ADAMTSL1: variants seen among roughly 807,000 people sequenced by gnomAD.
The protein encoded by ADAMTSL1 is ADAMTS like 1.
ADAMTSL1 carries 126 observed loss-of-function variants against 201.8 expected under a neutral mutation model. The observed-to-expected ratio is 0.62, with a 90% CI of 0.54 to 0.72. The LOEUF (loss-of-function observed/expected upper bound fraction) is 0.72, where lower values mean the gene tolerates loss of function less well. Ranked by LOEUF, ADAMTSL1 falls within the 30% of genes least tolerant of loss-of-function variation. The pLI is 0.00. For synonymous variants in ADAMTSL1, 1,121 were observed against 903.4 expected (o/e 1.24, Z -4.32); for missense variants, 2,679 against 2,277.8 (o/e 1.18, Z -3.59).
rs73422958 is a variant in ADAMTSL1, at chr9:18,132,711, C to T, written c.88-31151C>T. On this transcript the variant is annotated intron_variant, in intron 1 of 29. Transcript: ENST00000680146. ...TATCTTTCCATTGTACCCTTTTTCC[C>T]CCCTTTCACTCCATGCTCAGAAACT... is the stretch of plus-strand genomic sequence containing the variant. Among the ~76,000 whole-genome samples, 611 of 152,186 alleles carry T rather than the reference C, an allele frequency of 4.0e-3. 3 individuals are homozygous for T. The highest frequency in any genetic ancestry group is 0.014 in the African/African-American group (587 of 41,536).
At chr9:18,111,919 AT>A (rs372867155) in intron 1 of ADAMTSL1, among the ~76,000 whole-genome samples, 392 of 152,228 alleles carry the variant, frequency 2.6e-3, no homozygotes, top group African/African-American at 8.9e-3. Flanking sequence ...AGAAATTAAT[AT>A]TTTTTTAAGC....
At chr9:18,308,608 G>T (rs1175938227) in intron 2 of ADAMTSL1, among the ~76,000 whole-genome samples, 1 of 149,020 alleles carries the variant, frequency 6.7e-6, no homozygotes, top group East Asian at 1.9e-4. Context: ...TACATTCCTG[G>T]ACACACACCT....
intron 26 of ADAMTSL1, 170 bp from the exon 27 acceptor site, chr9:18,905,612 A>C: frequency 1.7e-6 from 1 of 585,940 alleles, no homozygotes. Context: ...CCCATAAAGA[A>C]AACGTATCAG....
At chr9:18,905,751 G>A (rs1563908541) in intron 26 of ADAMTSL1, 31 bp from the exon 27 acceptor site, 3 of 1,577,760 alleles carry the variant, frequency 1.9e-6, no homozygotes, top group Non-Finnish European at 1.7e-6. Context: ...CTTGGCTAAT[G>A]TGCGGTATGT....
chr9:18,903,867 G>A (rs1830145772), intron 26 of ADAMTSL1, among the ~76,000 whole-genome samples: 1 of 150,980 alleles, frequency 6.6e-6, no homozygotes, highest in South Asian at 2.1e-4. Context: ...AAAAAAAAAT[G>A]TATAAGTGGA....
At chr9:18,038,122 G>A (rs1199249052) in intron 1 of ADAMTSL1, among the ~76,000 whole-genome samples, 3 of 152,162 alleles carry the variant, frequency 2.0e-5, no homozygotes, top group African/African-American at 7.2e-5. Flanking sequence ...CGCCATTATG[G>A]CCACCAATTA....
intron 1 of ADAMTSL1, among the ~76,000 whole-genome samples, chr9:18,488,688 G>T (rs1822118478): frequency 6.6e-6 from 1 of 152,160 alleles, no homozygotes; most frequent in African/African-American, 2.4e-5. Flanking sequence ...CACACAGGTA[G>T]CAGGTGCCCA....
chr9:18,084,351 G>A (rs139602771), intron 1 of ADAMTSL1, among the ~76,000 whole-genome samples: 12 of 151,300 alleles, frequency 7.9e-5, no homozygotes, highest in Admixed American at 1.3e-4. Context: ...GTGAAACCCC[G>A]TCTCTACTAA....
intron 4 of ADAMTSL1, among the ~76,000 whole-genome samples, chr9:18,606,824 T>C (rs573534911): frequency 1.3e-5 from 2 of 152,208 alleles, no homozygotes; most frequent in Non-Finnish European, 2.9e-5. Flanking sequence ...GTGAGAACCA[T>C]CCGCTGCTGC....
At chr9:18,199,080 A>G (rs1829315318) in intron 2 of ADAMTSL1, among the ~76,000 whole-genome samples, 1 of 127,430 alleles carries the variant, frequency 7.8e-6, no homozygotes, top group Non-Finnish European at 1.6e-5. Flanking sequence ...GGACACAGGA[A>G]GGGGAACATC....
intron 20 of ADAMTSL1, among the ~76,000 whole-genome samples, chr9:18,807,797 T>C (rs1189305293): frequency 6.6e-6 from 1 of 152,206 alleles, no homozygotes; most frequent in African/African-American, 2.4e-5. Flanking sequence ...CAGCGTGCCA[T>C]GGCTTTTGTT....
At chr9:18,546,124 A>G (rs1820452768) in intron 3 of ADAMTSL1, among the ~76,000 whole-genome samples, 1 of 152,092 alleles carries the variant, frequency 6.6e-6, no homozygotes, top group Admixed American at 6.6e-5. Flanking sequence ...TCTTTCTTTT[A>G]AGAGGAAATT....
At chr9:18,198,136 AC>A (rs1181407810) in intron 2 of ADAMTSL1, among the ~76,000 whole-genome samples, 4 of 152,138 alleles carry the variant, frequency 2.6e-5, no homozygotes, top group Non-Finnish European at 5.9e-5. Flanking sequence ...TAAACGTTAG[AC>A]CTAAAACCAT....
intron 2 of ADAMTSL1, among the ~76,000 whole-genome samples, chr9:18,301,242 A>G (rs1358669877): frequency 6.6e-6 from 1 of 152,214 alleles, no homozygotes; most frequent in Non-Finnish European, 1.5e-5. Flanking sequence ...AGGTATAAAA[A>G]CAATGCGTCT....
At chr9:17,967,905 T>C (rs1486951820) in intron 1 of ADAMTSL1, among the ~76,000 whole-genome samples, 3 of 152,122 alleles carry the variant, frequency 2.0e-5, no homozygotes, top group African/African-American at 4.8e-5. Flanking sequence ...ATTCGGACTT[T>C]GTATTTGCCA....
intron 1 of ADAMTSL1, among the ~76,000 whole-genome samples, chr9:18,109,738 A>T (rs1242249890): frequency 1.3e-5 from 2 of 152,146 alleles, no homozygotes; most frequent in African/African-American, 4.8e-5. Flanking sequence ...CTTGAACCCA[A>T]TGTCCCTTGA....
intron 2 of ADAMTSL1, among the ~76,000 whole-genome samples, chr9:18,326,444 A>AC (rs397714926): frequency 5.9e-5 from 9 of 151,704 alleles, no homozygotes; most frequent in African/African-American, 2.2e-4. Context: ...AAAAAAAAAA[A>AC]GTGGAGATGG....
intron 1 of ADAMTSL1, among the ~76,000 whole-genome samples, chr9:17,917,716 A>T (rs1355012942): frequency 1.3e-5 from 2 of 151,950 alleles, no homozygotes; most frequent in Non-Finnish European, 2.9e-5. Context: ...GTCAGAAAAT[A>T]TTCCCTTATT....
chr9:18,483,719 CG>C (rs1399083902), intron 1 of ADAMTSL1, among the ~76,000 whole-genome samples: 1 of 151,934 alleles, frequency 6.6e-6, no homozygotes, highest in Admixed American at 6.5e-5. Flanking sequence ...CCCAGCTACT[CG>C]GGATGCTGAG....
Sources: gnomAD v4.1 joint callset for allele counts (sites outside exome capture counted in the v4.1 genomes callset) on GRCh38, gnomAD v4.1.1 for gene constraint, MANE v1.5 for transcripts, NCBI Gene and HGNC (gene_info 2026-07-23, HGNC 2026-07-21) for gene names.